Variants in CNTN5 observed in about 807,000 individuals in gnomAD.
CNTN5 encodes contactin 5, also known as contactin-5.
In CNTN5, 77 loss-of-function variants were observed where a neutral mutation model predicts 129.1. That is an observed-to-expected ratio of 0.60 (90% CI 0.50 to 0.72). The LOEUF is 0.72. CNTN5 is among the 30% of genes least tolerant of loss of function. CNTN5 has a pLI of 0.00. For synonymous variants in CNTN5, 509 were observed against 465.6 expected, an observed-to-expected ratio of 1.09 and a Z score of -1.20; for missense variants, 1,478 against 1,328.8, an observed-to-expected ratio of 1.11 and a Z score of -1.75.
chr11:99,508,724 G>C (rs1447862479), intron 2 of CNTN5, among the ~76,000 whole-genome samples: 1 of 143,228 alleles, frequency 7.0e-6, no homozygotes, highest in African/African-American at 2.6e-5. Context: ...TTGTCACCCA[G>C]GCTGGAGTGC....
chr11:99,615,757 G>A (rs928986468), intron 3 of CNTN5, among the ~76,000 whole-genome samples: 1 of 145,400 alleles, frequency 6.9e-6, no homozygotes, highest in Non-Finnish European at 1.5e-5. Flanking sequence ...TACACATCTT[G>A]TTTTTTTTTT....
chr11:100,345,135 A>T (rs1240744475), intron 23 of CNTN5, among the ~76,000 whole-genome samples: 3 of 152,154 alleles, frequency 2.0e-5, no homozygotes, highest in African/African-American at 7.2e-5. Context: ...TTTATAAAAA[A>T]CAAAAATTTA....
chr11:99,963,230 G>C lies in CNTN5; in HGVS notation c.877+6221G>C, dbSNP rs550477007. 2.6e-5 allele frequency among the ~76,000 whole-genome samples: 4 copies of C among 152,212 alleles called. No homozygotes were observed. In the South Asian group the frequency reaches 8.3e-4, roughly 32 times the overall value. On this transcript the variant is annotated intron_variant, in intron 8 of 24. Coordinates refer to ENST00000524871, the MANE Select transcript of CNTN5 (RefSeq NM_014361.4). ...TTGGTGTTTTAGACATGAAGTCCTT[G>C]CCCATGCCTGTGTCCTGAATGGTAT... is the stretch of plus-strand genomic sequence containing the variant.
At chr11:99,162,217 C>T (rs1473716035) in intron 1 of CNTN5, among the ~76,000 whole-genome samples, 1 of 151,826 alleles carries the variant, frequency 6.6e-6, no homozygotes, top group Non-Finnish European at 1.5e-5. Context: ...GTGCATAAGA[C>T]CCAGTTCTCC....
intron 3 of CNTN5, among the ~76,000 whole-genome samples, chr11:99,803,006 T>G (rs1438648046): frequency 1.3e-5 from 2 of 151,424 alleles, no homozygotes; most frequent in Non-Finnish European, 2.9e-5. Flanking sequence ...CAGTCTGTGT[T>G]CAGGAAGGGT....
At chr11:100,291,330 T>C (rs1950962758) in intron 18 of CNTN5, among the ~76,000 whole-genome samples, 1 of 151,960 alleles carries the variant, frequency 6.6e-6, no homozygotes, top group African/African-American at 2.4e-5. Flanking sequence ...GCAGCACTAT[T>C]CACAATAGCG....
At chr11:99,032,308 T>C (rs894727796) in intron 1 of CNTN5, among the ~76,000 whole-genome samples, 84 of 151,612 alleles carry the variant, frequency 5.5e-4, no homozygotes, top group African/African-American at 2.0e-3. Flanking sequence ...GGTCAAATGG[T>C]ATTTCTAGTT....
chr11:99,660,964 GA>G (rs1490954318), intron 3 of CNTN5, among the ~76,000 whole-genome samples: 52 of 151,956 alleles, frequency 3.4e-4, no homozygotes, highest in Admixed American at 8.5e-4. Flanking sequence ...TAGCATCTGG[GA>G]AAATACATTG....
chr11:100,038,157 G>T lies in CNTN5; in HGVS notation c.981-23055G>T, dbSNP rs1016694355. ...ACTTTGAATGTGTCCCAGAGATTCT[G>T]GTATGTTGTGTCTTTGTTCTCGTTG... On this transcript the variant is annotated intron_variant, in intron 9 of 24. Transcript: ENST00000524871. Among the ~76,000 whole-genome samples, 27 of 151,932 alleles carry T rather than the reference G, an allele frequency of 1.8e-4. 1 individual carries two copies. The highest frequency in any genetic ancestry group is 6.5e-4 in the African/African-American group (27 of 41,336).
At chr11:100,001,471 C>A (rs189010308) in intron 8 of CNTN5, among the ~76,000 whole-genome samples, 1 of 152,160 alleles carries the variant, frequency 6.6e-6, no homozygotes, top group Non-Finnish European at 1.5e-5. Flanking sequence ...TCATTCATGG[C>A]AATGATCACT....
At chr11:100,188,832 T>A (rs752272085) in intron 13 of CNTN5, among the ~76,000 whole-genome samples, 8 of 152,182 alleles carry the variant, frequency 5.3e-5, no homozygotes, top group Admixed American at 1.3e-4. Context: ...TCAACCTATG[T>A]GCCCATCAAT....
intron 1 of CNTN5, among the ~76,000 whole-genome samples, chr11:99,271,991 G>A (rs1273260361): frequency 2.0e-5 from 3 of 151,928 alleles, no homozygotes; most frequent in African/African-American, 4.8e-5. Context: ...ACTGGTAGGT[G>A]TTATATTTTA....
At chr11:99,823,096 C>G (rs1197995422) in intron 4 of CNTN5, among the ~76,000 whole-genome samples, 2 of 152,130 alleles carry the variant, frequency 1.3e-5, no homozygotes, top group South Asian at 4.1e-4. Flanking sequence ...CGTACCTATT[C>G]GAACATTGGG....
chr11:100,227,176 A>C (rs1418888924), intron 16 of CNTN5, among the ~76,000 whole-genome samples: 1 of 152,178 alleles, frequency 6.6e-6, no homozygotes, highest in Non-Finnish European at 1.5e-5. Flanking sequence ...TTATGTTCTT[A>C]TGATTCTATT....
At chr11:99,647,186 C>G (rs1951997122) in intron 3 of CNTN5, among the ~76,000 whole-genome samples, 1 of 152,050 alleles carries the variant, frequency 6.6e-6, no homozygotes, top group East Asian at 1.9e-4. Flanking sequence ...GGTCTTCAAT[C>G]CATTTTGAGC....
chr11:99,987,380 T>C (rs1938751046), intron 8 of CNTN5, among the ~76,000 whole-genome samples: 1 of 151,798 alleles, frequency 6.6e-6, no homozygotes, highest in South Asian at 2.1e-4. Context: ...AAAAGAAAAA[T>C]AATGAACAAT....
chr11:100,052,380 C>T (rs560057960), intron 9 of CNTN5, among the ~76,000 whole-genome samples: 8 of 151,732 alleles, frequency 5.3e-5, no homozygotes, highest in African/African-American at 1.9e-4. Flanking sequence ...ATAATTATGG[C>T]TTTGAGATGG....
chr11:99,526,318 G>T (rs372159928), intron 2 of CNTN5, among the ~76,000 whole-genome samples: 40 of 152,166 alleles, frequency 2.6e-4, no homozygotes, highest in African/African-American at 8.7e-4. Flanking sequence ...AGACCTACCA[G>T]CCACTGTGTG....
At chr11:100,240,272 C>G (rs1332748876) in intron 16 of CNTN5, among the ~76,000 whole-genome samples, 1 of 150,350 alleles carries the variant, frequency 6.7e-6, no homozygotes, top group East Asian at 1.9e-4. Flanking sequence ...TTAAGTGCTT[C>G]TGCAATAACC....
Sources: gnomAD v4.1 joint callset for allele counts (sites outside exome capture counted in the v4.1 genomes callset) on GRCh38, gnomAD v4.1.1 for gene constraint, MANE v1.5 for transcripts, NCBI Gene and HGNC (gene_info 2026-07-23, HGNC 2026-07-21) for gene names.